KHDRBS2: variants seen among roughly 807,000 people sequenced by gnomAD.
The protein encoded by KHDRBS2 is KH RNA binding domain containing, signal transduction associated 2, also known as KH domain-containing, RNA-binding, signal transduction-associated protein 2.
In KHDRBS2, 26 loss-of-function variants were observed where a neutral mutation model predicts 44.3. The ratio of observed to expected loss-of-function variants is 0.59; its 90% confidence interval spans 0.43 to 0.81. The LOEUF (loss-of-function observed/expected upper bound fraction) is 0.81, where lower values mean the gene tolerates loss of function less well. KHDRBS2 is among the 40% of genes least tolerant of loss of function. The probability of loss-of-function intolerance (pLI) is 0.00; values close to 1 mark genes in which losing one functional copy is unlikely to be tolerated. For missense variants in KHDRBS2, 476 were observed against 433.1 expected (o/e 1.10, Z -0.88); for synonymous variants, 194 against 151.1 (o/e 1.28, Z -2.08).
chr6:61,933,151 G>T (rs1190428538), intron 4 of KHDRBS2, among the ~76,000 whole-genome samples: 1 of 152,150 alleles, frequency 6.6e-6, no homozygotes, highest in Non-Finnish European at 1.5e-5. Context: ...GGGGAAGCAG[G>T]CACATCCTAC....
At chr6:61,881,450 G>C (rs549944804) in intron 6 of KHDRBS2, among the ~76,000 whole-genome samples, 1 of 152,048 alleles carries the variant, frequency 6.6e-6, no homozygotes, top group African/African-American at 2.4e-5. Flanking sequence ...GAGAGAGGTA[G>C]TGAGGTCCAT....
In KHDRBS2 at chr6:61,894,672, G is replaced by T; in HGVS notation, c.773C>A (p.Ala258Glu). ...AGCTTCATGGGCTGGAGGAGGAGGTGCCCTGTATCCTGGCACTGTTGGTGC... is the reference window on the plus strand; with the variant it reads ...AGCTTCATGGGCTGGAGGAGGAGGTTCCCTGTATCCTGGCACTGTTGGTGC... The part of the protein sequence containing the change: ...RGAPTVPGYR[A>E]PPPPAHEAYE... Residue 258 changes from alanine (A) to glutamate (E), a missense_variant, in exon 6 of 9, where the codon GCA (alanine) becomes GAA (glutamate). Transcript: ENST00000281156. 2 of 1,613,070 alleles carry T rather than the reference G, an allele frequency of 1.2e-6. No individual in the cohort carries two copies. The highest frequency in any genetic ancestry group is 2.7e-5 in the African/African-American group (2 of 75,000).
intron 6 of KHDRBS2, among the ~76,000 whole-genome samples, chr6:61,793,641 GTATGT>G (rs1223445020): frequency 9.2e-5 from 14 of 151,798 alleles, no homozygotes; most frequent in Non-Finnish European, 1.9e-4. Context: ...GTCTATGGGG[GTATGT>G]TATATTATTC....
chr6:61,637,099 C>T, the KHDRBS2 span, among the ~76,000 whole-genome samples: 483 of 151,890 alleles, frequency 3.2e-3, 3 homozygotes, highest in Non-Finnish European at 4.8e-3. Flanking sequence ...TTGTTACATA[C>T]GTATACATGT....
chr6:61,752,686 A>AAG (rs1777886764), intron 6 of KHDRBS2, among the ~76,000 whole-genome samples: 1 of 150,796 alleles, frequency 6.6e-6, no homozygotes, highest in Non-Finnish European at 1.5e-5. Context: ...AAAAAAAAAA[A>AAG]AAAAAAAGAA....
At chr6:61,967,903 CAT>C (rs34777524) in intron 4 of KHDRBS2, among the ~76,000 whole-genome samples, 31,125 of 142,666 alleles carry the variant, frequency 0.22, 3,594 homozygotes, top group Admixed American at 0.3. Flanking sequence ...CACACACACA[CAT>C]ATATATATAC....
At chr6:61,630,559 T>A in the KHDRBS2 span, 1 of 152,234 alleles carries the variant, frequency 6.6e-6, no homozygotes, top group Non-Finnish European at 1.5e-5. Flanking sequence ...ATGTCTCATA[T>A]GCAATCAAGC....
chr6:62,062,312 C>A lies in KHDRBS2; in HGVS notation c.220-14318G>T, dbSNP rs550254110. Among the ~76,000 whole-genome samples the A allele has an allele frequency of 3.8e-3, 557 of 144,888 alleles. 9 individuals carry two copies. Among genetic ancestry groups the A allele is most frequent in the Admixed American group, 0.028 (397 of 14,012 alleles). ...GTCTACAGAACTTTCCACCCCAAATCAACAGAATATACATTTTTTTCAGCA... is the reference window on the plus strand; with the variant it reads ...GTCTACAGAACTTTCCACCCCAAATAAACAGAATATACATTTTTTTCAGCA... On this transcript the variant is annotated intron_variant, in intron 2 of 8. Coordinates refer to ENST00000281156, the MANE Select transcript of KHDRBS2 (RefSeq NM_152688.4).
rs574981633 is a variant in KHDRBS2, at chr6:62,163,407, A to T, written c.219+13778T>A. The stretch of plus-strand genomic sequence containing the variant: ...ATTAGATCCAACTGGTTTATGAGGC[A>T]TTGAACTTTCTTTTCAATTCTAGAA... On this transcript the variant is annotated intron_variant, in intron 2 of 8. Coordinates refer to ENST00000281156, the MANE Select transcript of KHDRBS2 (RefSeq NM_152688.4). 3.9e-5 allele frequency among the ~76,000 whole-genome samples: 6 copies of T among 152,196 alleles called. No homozygotes were observed. The South Asian group carries it at 1.2e-3, about 32-fold the overall frequency.
intron 3 of KHDRBS2, among the ~76,000 whole-genome samples, chr6:62,029,825 G>T (rs188893528): frequency 2.0e-5 from 3 of 152,014 alleles, no homozygotes; most frequent in East Asian, 3.9e-4. Context: ...TAATGCCATA[G>T]ATAAAATTCT....
At chr6:61,939,207 A>G (rs1394423759) in intron 4 of KHDRBS2, among the ~76,000 whole-genome samples, 2 of 152,014 alleles carry the variant, frequency 1.3e-5, no homozygotes, top group African/African-American at 4.8e-5. Flanking sequence ...CTTTGCTCTC[A>G]CAGCTGTTTT....
chr6:61,720,860 A>G (rs548142103), intron 7 of KHDRBS2, among the ~76,000 whole-genome samples: 26 of 151,182 alleles, frequency 1.7e-4, no homozygotes, highest in African/African-American at 5.6e-4. Context: ...GCCCATGCCT[A>G]TGTCCTGAAT....
chr6:61,728,779 T>C (rs1241551471), intron 7 of KHDRBS2, among the ~76,000 whole-genome samples: 4 of 152,190 alleles, frequency 2.6e-5, no homozygotes, highest in African/African-American at 9.6e-5. Context: ...CCAAAAATGT[T>C]CACAACAGCT....
chr6:61,613,782 G>A, the KHDRBS2 span, among the ~76,000 whole-genome samples: 7 of 139,286 alleles, frequency 5.0e-5, no homozygotes, highest in Middle Eastern at 7.2e-3. Flanking sequence ...GTAAATGGGA[G>A]ATGTTTGGCA....
chr6:62,181,692 C>A lies in KHDRBS2; in HGVS notation c.92-4380G>T, dbSNP rs183447422. On this transcript the variant is annotated intron_variant, in intron 1 of 8. Transcript: ENST00000281156. ...TTGTTATGGTCTGAAAGTTTGTGCC[C>A]CCACCAAATTCATATGTTCAAATCC... Among the ~76,000 whole-genome samples, 69 of 151,968 alleles carry A rather than the reference C, an allele frequency of 4.5e-4. No homozygotes were observed. In the East Asian group the frequency reaches 0.013, roughly 29 times the overall value.
chr6:61,727,058 C>G lies in KHDRBS2; in HGVS notation c.893+5624G>C, dbSNP rs569700095. ...CTACAGTAACCAAAACAGCACAATA[C>G]TGGTACAAAAACAAACATATAGAAC... is the stretch of plus-strand genomic sequence containing the variant. On this transcript the variant is annotated intron_variant, in intron 7 of 8. Transcript: ENST00000281156. 2.6e-5 allele frequency among the ~76,000 whole-genome samples: 4 copies of G among 152,180 alleles called. No individual in the cohort carries two copies. In the East Asian group the frequency reaches 7.7e-4, roughly 29 times the overall value.
chr6:61,581,588 CAATA>C, the KHDRBS2 span, among the ~76,000 whole-genome samples: 1 of 144,156 alleles, frequency 6.9e-6, no homozygotes, highest in African/African-American at 2.5e-5. Flanking sequence ...ACACAATATA[CAATA>C]TACAATATAC....
chr6:61,599,767 C>T, the KHDRBS2 span, among the ~76,000 whole-genome samples: 1 of 152,146 alleles, frequency 6.6e-6, no homozygotes, highest in Non-Finnish European at 1.5e-5. Flanking sequence ...ACAGAAGGTG[C>T]TGCTTAATAT....
At chr6:62,070,857 C>T (rs1419853743) in intron 2 of KHDRBS2, among the ~76,000 whole-genome samples, 30 of 151,980 alleles carry the variant, frequency 2.0e-4, no homozygotes, top group Admixed American at 6.6e-4. Flanking sequence ...ATATACCCAG[C>T]AATGGGATGG....
Sources: gnomAD v4.1 joint callset for allele counts (sites outside exome capture counted in the v4.1 genomes callset) on GRCh38, gnomAD v4.1.1 for gene constraint, MANE v1.5 for transcripts, NCBI Gene and HGNC (gene_info 2026-07-23, HGNC 2026-07-21) for gene names.